NADSYN1: variants seen among roughly 807,000 people sequenced by gnomAD.
NADSYN1 encodes NAD synthetase 1.
A neutral mutation model predicts 99.3 loss-of-function variants in NADSYN1; 80 were observed. The ratio of observed to expected loss-of-function variants is 0.81; its 90% confidence interval spans 0.67 to 0.97. The LOEUF is 0.97. NADSYN1 is among the 50% of genes least tolerant of loss of function. The pLI is 0.00. For synonymous variants in NADSYN1, 385 were observed against 372.1 expected (o/e 1.03, Z -0.40); for missense variants, 859 against 948.5 (o/e 0.91, Z 1.24).
Position 71,482,930 on chromosome 11 carries a change from G to T in NADSYN1, c.1232G>T (p.Arg411Leu), listed in dbSNP as rs754296277. The T allele has an allele frequency of 3.1e-6, 5 of 1,613,108 alleles. No homozygotes were observed. The highest frequency in any genetic ancestry group is 1.7e-5 in the Admixed American group (1 of 59,970). ...TPQDPRDLCG[R>L]ILTTCYMASK... ...CAGGATCCCCGAGACCTCTGTGGAC[G>T]CATACTGACCACCTGCTACATGGCC... The change falls in exon 14 of 21, where the codon CGC becomes CTC. Residue 411 changes from arginine (R) to leucine (L), a missense_variant. Transcript: ENST00000319023.
Position 71,490,910 on chromosome 11 carries a change from G to A in NADSYN1, c.1628G>A (p.Ser543Asn). The A allele has an allele frequency of 1.2e-6, 2 of 1,614,236 alleles. No homozygotes were observed. The highest frequency in any genetic ancestry group is 1.7e-6 in the Non-Finnish European group (2 of 1,180,032). The change falls in exon 17 of 21, where the codon AGC becomes AAC. Residue 543 changes from serine to asparagine, a missense_variant. By Grantham distance (46) the Ser-to-Asn change is conservative (BLOSUM62 1). Coordinates refer to ENST00000319023, the MANE Select transcript of NADSYN1 (RefSeq NM_018161.5). ...GACATCAACCCCATAGGCGGGATCAGCAAGACGGACCTCAGGGCCTTCGTC... is the reference window on the plus strand; with the variant it reads ...GACATCAACCCCATAGGCGGGATCAACAAGACGGACCTCAGGGCCTTCGTC... ...SADINPIGGI[S>N]KTDLRAFVQF...
chr11:71,481,232 G>A (rs1949705060), intron 11 of NADSYN1, 124 bp from the exon 12 acceptor site: 12 of 957,886 alleles, frequency 1.3e-5, no homozygotes, highest in African/African-American at 1.1e-4. Context: ...AAGCAGAGAC[G>A]GGCGTCCTGA....
chr11:71,491,091 G>C (rs1949775874), intron 17 of NADSYN1, 115 bp downstream of exon 17: 1 of 1,411,344 alleles, frequency 7.1e-7, no homozygotes, highest in African/African-American at 1.4e-5. Flanking sequence ...CTGCTGAATG[G>C]TCCTGCCCCT....
intron 10 of NADSYN1, chr11:71,479,935 G>T (rs910501764): frequency 5.3e-5 from 8 of 152,232 alleles, no homozygotes; most frequent in Admixed American, 3.9e-4. Flanking sequence ...TTATCCCTTT[G>T]TATGGTCAGA....
intron 15 of NADSYN1, 127 bp from the exon 16 acceptor site, chr11:71,485,415 A>C: frequency 2.9e-6 from 2 of 688,364 alleles, no homozygotes; most frequent in South Asian, 3.9e-5. Flanking sequence ...TGAGACTCTG[A>C]TGTTCCCCGA....
chr11:71,477,509 G>A lies in NADSYN1; in HGVS notation c.799-886G>A, dbSNP rs940903344. The A allele has an allele frequency of 5.9e-5, 71 of 1,202,902 alleles. No individual in the cohort carries two copies. In the Admixed American group the frequency reaches 1.0e-3, roughly 17 times the overall value. 74.5% of individuals were successfully genotyped at this position (1,202,902 alleles called of 1,614,324 possible). A position where few individuals can be genotyped will look rare whatever the true frequency, so the allele number is the denominator to read the frequency against. Reference sequence around the variant, plus strand: ...GGCCACGGCCATCCTGTGAACCGCCGCAGTGGTGCAGGTGCTGTTCCCGCT... The same window carrying A: ...GGCCACGGCCATCCTGTGAACCGCCACAGTGGTGCAGGTGCTGTTCCCGCT... On this transcript the variant is annotated intron_variant, in intron 9 of 20. Coordinates refer to ENST00000319023, the MANE Select transcript of NADSYN1 (RefSeq NM_018161.5).
chr11:71,466,616 A>C (rs1470092811), intron 5 of NADSYN1: 1 of 152,138 alleles, frequency 6.6e-6, no homozygotes, highest in Non-Finnish European at 1.5e-5. Flanking sequence ...AGGTGGAGAG[A>C]TGTCTGTTGC....
chr11:71,482,608 G>A (rs1389288089), intron 13 of NADSYN1: 1 of 427,352 alleles, frequency 2.3e-6, no homozygotes, highest in African/African-American at 2.3e-5. Flanking sequence ...CCGGGGTGGA[G>A]TCACACGGGC....
chr11:71,483,562 A>G lies in NADSYN1; in HGVS notation c.1319+545A>G, dbSNP rs71473837. On this transcript the variant is annotated intron_variant, in intron 14 of 20. Transcript: ENST00000319023. ...GAAGGAGGGCACCTTTCCGGAGAAG[A>G]AAGACTGGGTTCTATCTAGAATATT... Among the ~76,000 whole-genome samples the G allele has an allele frequency of 4.8e-3, 734 of 152,310 alleles. 21 individuals carry two copies. The East Asian group carries it at 0.081, about 17-fold the overall frequency.
chr11:71,481,011 A>C (rs3763859), intron 11 of NADSYN1, 132 bp downstream of exon 11: 1,165,397 of 1,262,922 alleles, frequency 0.92, 542,065 homozygotes, highest in Non-Finnish European at 0.96. Context: ...GCAACTGTGC[A>C]TCCCCTGGGT....
At chr11:71,475,310 CT>C (rs1421935151) in intron 9 of NADSYN1, 1 of 153,436 alleles carries the variant, frequency 6.5e-6, no homozygotes, top group Non-Finnish European at 1.4e-5. Context: ...GTCAGGGAGG[CT>C]TTGTTCTGTG....
chr11:71,470,674 T>C (rs1434152379), intron 5 of NADSYN1, among the ~76,000 whole-genome samples: 1 of 152,270 alleles, frequency 6.6e-6, no homozygotes, highest in Non-Finnish European at 1.5e-5. Context: ...AGCAAATGGC[T>C]TGGGGATTCT....
chr11:71,472,830 A>G (rs1949636607), intron 6 of NADSYN1, among the ~76,000 whole-genome samples: 1 of 152,170 alleles, frequency 6.6e-6, no homozygotes, highest in African/African-American at 2.4e-5. Context: ...TGTTATCTAG[A>G]CCAACAGCAA....
chr11:71,471,864 T>C (rs1949629347), intron 5 of NADSYN1, among the ~76,000 whole-genome samples: 1 of 152,124 alleles, frequency 6.6e-6, no homozygotes, highest in Non-Finnish European at 1.5e-5. Flanking sequence ...CGGAGTTCCT[T>C]GCAGATCTGA....
At chr11:71,473,199 T>C in intron 6 of NADSYN1, 79 bp from the exon 7 acceptor site, 2 of 1,322,296 alleles carry the variant, frequency 1.5e-6, no homozygotes, top group South Asian at 1.2e-5. Context: ...GGCTGCAGGA[T>C]GTCCGTGGCC....
chr11:71,483,047 C>A, intron 14 of NADSYN1, 30 bp downstream of exon 14: 1 of 1,610,254 alleles, frequency 6.2e-7, no homozygotes, highest in Non-Finnish European at 8.5e-7. Flanking sequence ...TTGGGCATGG[C>A]AGGTGGCTGA....
chr11:71,482,525 C>A (rs1322839923), intron 13 of NADSYN1, among the ~76,000 whole-genome samples: 1 of 147,950 alleles, frequency 6.8e-6, no homozygotes, highest in Non-Finnish European at 1.5e-5. Context: ...GGGGTGTAGA[C>A]CGGGGTGGAG....
chr11:71,469,551 A>G (rs970237267), intron 5 of NADSYN1, among the ~76,000 whole-genome samples: 2 of 152,236 alleles, frequency 1.3e-5, no homozygotes, highest in Admixed American at 6.5e-5. Context: ...TCTTTAGATT[A>G]TAGATTAAAA....
chr11:71,482,661 G>A (rs1359140475), intron 13 of NADSYN1, 188 bp from the exon 14 acceptor site: 1 of 466,934 alleles, frequency 2.1e-6, no homozygotes, highest in Non-Finnish European at 3.9e-6. Context: ...AGGCACCTGG[G>A]GGTGTAGACT....
Sources: allele counts gnomAD v4.1 joint callset (sites outside exome capture counted in the v4.1 genomes callset), GRCh38; gene constraint gnomAD v4.1.1; transcripts MANE v1.5; gene names NCBI Gene and HGNC (gene_info 2026-07-23, HGNC 2026-07-21).